Variants in NTRK2 observed in about 807,000 individuals in gnomAD.
NTRK2 encodes the protein neurotrophic receptor tyrosine kinase 2.
NTRK2 carries 13 observed loss-of-function variants against 94.5 expected under a neutral mutation model. The ratio of observed to expected loss-of-function variants is 0.14; its 90% confidence interval spans 0.09 to 0.22. The LOEUF (loss-of-function observed/expected upper bound fraction) is 0.22, where lower values mean the gene tolerates loss of function less well. Ranked by LOEUF, NTRK2 falls within the 10% of genes least tolerant of loss-of-function variation. The pLI is 1.00. For synonymous variants in NTRK2, 372 were observed against 407.4 expected, an observed-to-expected ratio of 0.91 and a Z score of 1.05; for missense variants, 639 against 1,071.2, an observed-to-expected ratio of 0.60 and a Z score of 5.63.
chr9:84,833,966 G>T (rs2131704041), intron 12 of NTRK2, among the ~76,000 whole-genome samples: 1 of 152,288 alleles, frequency 6.6e-6, no homozygotes, highest in African/African-American at 2.4e-5. Flanking sequence ...TGGGCACAGA[G>T]GTGTCTCCAT....
chr9:84,845,561 A>G (rs544833863), intron 12 of NTRK2, among the ~76,000 whole-genome samples: 11 of 152,252 alleles, frequency 7.2e-5, no homozygotes, highest in Admixed American at 2.0e-4. Context: ...ATAAGTATAA[A>G]TATATGCCAT....
intron 14 of NTRK2, among the ~76,000 whole-genome samples, chr9:84,887,580 T>C (rs1276145087): frequency 6.6e-6 from 1 of 152,246 alleles, no homozygotes; most frequent in Non-Finnish European, 1.5e-5. Flanking sequence ...TTTATATCAT[T>C]GCTTGACTAT....
chr9:84,827,264 C>A (rs975731590), intron 12 of NTRK2, among the ~76,000 whole-genome samples: 2 of 152,134 alleles, frequency 1.3e-5, no homozygotes, highest in African/African-American at 4.8e-5. Flanking sequence ...GAGGGGCAGC[C>A]CCTTGGAGAG....
intron 14 of NTRK2, among the ~76,000 whole-genome samples, chr9:84,915,007 G>A (rs562280495): frequency 1.3e-3 from 203 of 152,184 alleles, no homozygotes; most frequent in Middle Eastern, 6.8e-3. Context: ...GTTCTACCTC[G>A]GATAATCAGG....
At chr9:84,735,103 T>C (rs751681334) in intron 9 of NTRK2, among the ~76,000 whole-genome samples, 4 of 152,038 alleles carry the variant, frequency 2.6e-5, no homozygotes, top group South Asian at 2.1e-4. Flanking sequence ...ATTAAAAAAA[T>C]TGTCATTTTT....
At chr9:84,790,835 G>C (rs2133199203) in intron 12 of NTRK2, among the ~76,000 whole-genome samples, 1 of 152,300 alleles carries the variant, frequency 6.6e-6, no homozygotes, top group East Asian at 1.9e-4. Flanking sequence ...AATCTGTTCT[G>C]ATAAGGCAGT....
At chr9:84,887,170 G>A (rs536569646) in intron 14 of NTRK2, among the ~76,000 whole-genome samples, 8 of 152,318 alleles carry the variant, frequency 5.3e-5, no homozygotes, top group Admixed American at 3.3e-4. Flanking sequence ...GCAGTTCTTC[G>A]TGCATTTTAT....
At chr9:85,003,192 G>T (rs1830514331) in intron 17 of NTRK2, among the ~76,000 whole-genome samples, 1 of 152,144 alleles carries the variant, frequency 6.6e-6, no homozygotes, top group Non-Finnish European at 1.5e-5. Context: ...TCATTAAAAA[G>T]GGATGCAGTG....
intron 17 of NTRK2, among the ~76,000 whole-genome samples, chr9:84,990,520 C>T (rs1028547705): frequency 6.6e-6 from 1 of 152,142 alleles, no homozygotes; most frequent in Non-Finnish European, 1.5e-5. Context: ...AGCTTCTAGC[C>T]CTGGCTTGTT....
chr9:85,000,387 T>C (rs1373556890), intron 17 of NTRK2, among the ~76,000 whole-genome samples: 1 of 152,124 alleles, frequency 6.6e-6, no homozygotes, highest in Admixed American at 6.5e-5. Flanking sequence ...CCTCCGTGTG[T>C]CTCCTATTCA....
chr9:84,688,460 G>A (rs1196042298), intron 2 of NTRK2, among the ~76,000 whole-genome samples: 1 of 152,096 alleles, frequency 6.6e-6, no homozygotes, highest in Non-Finnish European at 1.5e-5. Flanking sequence ...CTCTTCAGGG[G>A]CTCCATGTTC....
chr9:84,810,426 G>A, intron 12 of NTRK2: 1 of 970,884 alleles, frequency 1.0e-6, no homozygotes, highest in East Asian at 2.6e-5. Flanking sequence ...TCCATGTTGT[G>A]TCTCATTTTT....
chr9:84,797,977 C>T (rs75102304), intron 12 of NTRK2, among the ~76,000 whole-genome samples: 6,666 of 146,078 alleles, frequency 0.046, 196 homozygotes, highest in East Asian at 0.14. Context: ...GTGTTCAGGA[C>T]TCCTGGGTAT....
chr9:84,852,011 T>C (rs2074798829), intron 12 of NTRK2, among the ~76,000 whole-genome samples: 1 of 152,208 alleles, frequency 6.6e-6, no homozygotes, highest in African/African-American at 2.4e-5. Context: ...CAAGAAAGAA[T>C]GGAGAGCACG....
intron 2 of NTRK2, among the ~76,000 whole-genome samples, chr9:84,672,671 C>G (rs1186895382): frequency 6.6e-6 from 1 of 152,060 alleles, no homozygotes; most frequent in South Asian, 2.1e-4. Flanking sequence ...TAGGGCTGAT[C>G]ATTTTCACTT....
intron 12 of NTRK2, among the ~76,000 whole-genome samples, chr9:84,759,606 A>G (rs769784516): frequency 3.9e-5 from 6 of 152,252 alleles, no homozygotes; most frequent in Non-Finnish European, 7.3e-5. Flanking sequence ...CTTAAAGGTC[A>G]GGAAATATTG....
chr9:84,715,298 T>A (rs2061645625), intron 6 of NTRK2, among the ~76,000 whole-genome samples: 2 of 152,210 alleles, frequency 1.3e-5, no homozygotes, highest in Admixed American at 1.3e-4. Context: ...TTTTTCATTA[T>A]TTTTGAAATT....
intron 14 of NTRK2, among the ~76,000 whole-genome samples, chr9:84,914,240 A>G (rs1351532312): frequency 1.3e-5 from 2 of 151,998 alleles, no homozygotes; most frequent in Non-Finnish European, 2.9e-5. Context: ...TTTAAATTGT[A>G]TTTGTAATTG....
chr9:84,763,395 GA>G (rs747863420), intron 12 of NTRK2, among the ~76,000 whole-genome samples: 91 of 151,844 alleles, frequency 6.0e-4, no homozygotes, highest in South Asian at 3.5e-3. Context: ...GGAAGAACAT[GA>G]AAAATGATTT....
Sources: gnomAD v4.1 joint callset for allele counts (sites outside exome capture counted in the v4.1 genomes callset) on GRCh38, gnomAD v4.1.1 for gene constraint, MANE v1.5 for transcripts, NCBI Gene and HGNC (gene_info 2026-07-23, HGNC 2026-07-21) for gene names.